Variants in MED12L observed in about 807,000 individuals in gnomAD.
MED12L encodes the protein mediator complex subunit 12L, also known as mediator of RNA polymerase II transcription subunit 12-like protein.
In MED12L, 60 loss-of-function variants were observed where a neutral mutation model predicts 281.3. The observed-to-expected ratio is 0.21, with a 90% CI of 0.17 to 0.26. The LOEUF is 0.26. Ranked by LOEUF, MED12L falls within the 10% of genes least tolerant of loss-of-function variation. MED12L has a pLI of 1.00. For missense variants in MED12L, 2,146 were observed against 2,680.9 expected (o/e 0.80, Z 4.41); for synonymous variants, 974 against 987.2 (o/e 0.99, Z 0.25).
chr3:151,338,178 G>A lies in MED12L; in HGVS notation c.2251-11881G>A, dbSNP rs148966366. ...CCTGGGGACTTTACCTACACCCCTC[G>A]TTCTTACGTATGACCGGTACAGTTC... On this transcript the variant is annotated intron_variant, in intron 16 of 44. Coordinates refer to ENST00000687756, the MANE Select transcript of MED12L (RefSeq NM_001393769.1). 5.6e-5 allele frequency: 90 copies of A among 1,613,860 alleles called. No homozygotes were observed. The highest frequency in any genetic ancestry group is 1.6e-4 in the Middle Eastern group (1 of 6,082).
chr3:151,119,428 C>T (rs1560066131), intron 3 of MED12L, among the ~76,000 whole-genome samples: 1 of 152,144 alleles, frequency 6.6e-6, no homozygotes, highest in Non-Finnish European at 1.5e-5. Context: ...TGCAGATGAC[C>T]ACCTTCTCAC....
intron 2 of MED12L, among the ~76,000 whole-genome samples, chr3:151,112,344 G>A (rs1054418910): frequency 6.7e-6 from 1 of 149,488 alleles, no homozygotes; most frequent in African/African-American, 2.5e-5. Context: ...GCAGCAGCAC[G>A]ATCTCTCCTC....
At position 151,086,832 on chromosome 3, in the gene MED12L, G is replaced by GA. The variant is rs1719286579; in HGVS notation, c.-94dup. On this transcript the variant is annotated 5_prime_UTR_variant, in exon 2 of 45. Transcript: ENST00000687756. ...GAGCGAGCGAGCGAGGAGGGGGAGA[G>GA]AGGGAGTCTGTCTGCAAAGTGCTGC... 1.1e-6 allele frequency: 1 copy of GA among 938,432 alleles called. No individual in the cohort carries two copies. Among genetic ancestry groups the GA allele is most frequent in the East Asian group, 2.8e-5 (1 of 35,676 alleles). 58.1% of individuals were successfully genotyped at this position (938,432 alleles called of 1,614,324 possible). A position where few individuals can be genotyped will look rare whatever the true frequency, so the allele number is the denominator to read the frequency against.
intron 2 of MED12L, among the ~76,000 whole-genome samples, chr3:151,096,488 G>T (rs1485988652): frequency 2.7e-5 from 4 of 150,366 alleles, no homozygotes; most frequent in African/African-American, 9.8e-5. Context: ...GTGGCATCTT[G>T]TCCATTAGGC....
chr3:151,290,527 C>G (rs1305615034), intron 16 of MED12L, among the ~76,000 whole-genome samples: 1 of 151,934 alleles, frequency 6.6e-6, no homozygotes, highest in East Asian at 1.9e-4. Context: ...ATTTTGTATA[C>G]TTTTGAAACT....
At chr3:151,343,794 G>C (rs1031699786) in intron 16 of MED12L, among the ~76,000 whole-genome samples, 24 of 152,104 alleles carry the variant, frequency 1.6e-4, no homozygotes, top group African/African-American at 5.3e-4. Context: ...AAGGTAGTCT[G>C]CTCATCTGAA....
At chr3:151,235,859 A>T (rs1272635776) in intron 16 of MED12L, among the ~76,000 whole-genome samples, 1 of 151,994 alleles carries the variant, frequency 6.6e-6, no homozygotes, top group Non-Finnish European at 1.5e-5. Context: ...TTTCCTGTTC[A>T]TGGCATCTAA....
chr3:151,356,989 G>A (rs1168822820), intron 19 of MED12L, among the ~76,000 whole-genome samples: 1 of 152,078 alleles, frequency 6.6e-6, no homozygotes, highest in East Asian at 1.9e-4. Flanking sequence ...TGAAGTTTCA[G>A]TACCTTATTT....
In MED12L at chr3:151,375,237, A is replaced by G. The variant is rs373076291; in HGVS notation, c.3865-789A>G. On this transcript the variant is annotated intron_variant, in intron 27 of 44. Transcript: ENST00000687756. The stretch of plus-strand genomic sequence containing the variant: ...GGGCATGGAATTTTATAAAGATCCC[A>G]GGTAATTTTAGTGGGCAACCAGCAT... Among the ~76,000 whole-genome samples, 22 of 152,362 alleles carry G rather than the reference A, an allele frequency of 1.4e-4. No individual in the cohort carries two copies. In the East Asian group the frequency reaches 3.9e-3, roughly 27 times the overall value.
chr3:151,244,159 T>G, intron 16 of MED12L, among the ~76,000 whole-genome samples: 1 of 130,724 alleles, frequency 7.6e-6, no homozygotes, highest in South Asian at 2.7e-4. Flanking sequence ...CTCCCACACA[T>G]TAATAATGGG....
Position 151,413,153 on chromosome 3 carries a change from C to G in MED12L, c.6155C>G (p.Ala2052Gly), listed in dbSNP as rs756534801. 1 of 1,613,502 alleles carries G rather than the reference C, an allele frequency of 6.2e-7. No homozygotes were observed. Residue 2052 changes from alanine to glycine, a missense_variant, in exon 42 of 45, where the codon GCT becomes GGT. Transcript: ENST00000687756. ...LTGSQRLNHQ[A>G]LQQSPLVGGG... ...TTCTTTGCCAGACTGAACCATCAGG[C>G]TCTACAGCAGAGCCCTCTGGTGGGC...
At chr3:151,336,559 A>G in intron 16 of MED12L, 1 of 456,198 alleles carries the variant, frequency 2.2e-6, no homozygotes, top group Non-Finnish European at 4.4e-6. Context: ...AGGATCATAA[A>G]AAATTGAGAT....
intron 16 of MED12L, among the ~76,000 whole-genome samples, chr3:151,230,923 G>A (rs1421560501): frequency 6.6e-6 from 1 of 152,114 alleles, no homozygotes; most frequent in East Asian, 1.9e-4. Context: ...ACTGATTTCC[G>A]ATCAGGTACA....
chr3:151,254,086 A>G (rs897675623), intron 16 of MED12L, among the ~76,000 whole-genome samples: 2 of 151,738 alleles, frequency 1.3e-5, no homozygotes, highest in Non-Finnish European at 2.9e-5. Flanking sequence ...AAAACATATA[A>G]TGAAAAAAAT....
At position 151,398,245 on chromosome 3, in the gene MED12L, C is replaced by T. The variant is rs1408763187; in HGVS notation, c.5820+3378C>T. On this transcript the variant is annotated intron_variant, in intron 39 of 44. Transcript: ENST00000687756. ...CTGACCCTTCTAGTGACGTCTGCTA[C>T]AGTTGTTTTGGAAACCTAAATGGGA... Among the ~76,000 whole-genome samples the T allele has an allele frequency of 2.6e-5, 4 of 152,160 alleles. No homozygotes were observed. In the South Asian group the frequency reaches 8.3e-4, roughly 32 times the overall value.
chr3:151,123,965 T>C (rs538260615), intron 4 of MED12L, among the ~76,000 whole-genome samples: 2 of 152,346 alleles, frequency 1.3e-5, no homozygotes, highest in African/African-American at 4.8e-5. Flanking sequence ...AACCACCTCT[T>C]ACCATTCAGT....
At chr3:151,196,513 A>G (rs1724682669) in intron 16 of MED12L, among the ~76,000 whole-genome samples, 1 of 152,204 alleles carries the variant, frequency 6.6e-6, no homozygotes, top group Non-Finnish European at 1.5e-5. Context: ...AGAGGACTAA[A>G]GGGGGCTTGA....
In MED12L at chr3:151,352,311, G is replaced by A. The variant is rs369180502; in HGVS notation, c.2398+2105G>A. ...TTCAGATTTTGGATTCTCAGAATAG[G>A]GATCCTCAACCTTTTTCAGTAAATA... On this transcript the variant is annotated intron_variant, in intron 17 of 44. Coordinates refer to ENST00000687756, the MANE Select transcript of MED12L (RefSeq NM_001393769.1). Among the ~76,000 whole-genome samples, 81 of 152,188 alleles carry A rather than the reference G, an allele frequency of 5.3e-4. 1 individual carries two copies. Among genetic ancestry groups the A allele is most frequent in the African/African-American group, 1.9e-3 (79 of 41,522 alleles).
In MED12L at chr3:151,328,790, T is replaced by G. The variant is rs1376178770; in HGVS notation, c.2251-21269T>G. ...AGGAAGCATGAGTGTCATTATCAAGTCGGCCACCAAAGTGTTTTTGAGGTA... is the reference window on the plus strand; with the variant it reads ...AGGAAGCATGAGTGTCATTATCAAGGCGGCCACCAAAGTGTTTTTGAGGTA... On this transcript the variant is annotated intron_variant, in intron 16 of 44. Transcript: ENST00000687756. 3.1e-6 allele frequency: 5 copies of G among 1,613,886 alleles called. No homozygotes were observed. The South Asian group carries it at 5.5e-5, about 18-fold the overall frequency.
Sources: allele counts gnomAD v4.1 joint callset (sites outside exome capture counted in the v4.1 genomes callset), GRCh38; gene constraint gnomAD v4.1.1; transcripts MANE v1.5; gene names NCBI Gene and HGNC (gene_info 2026-07-23, HGNC 2026-07-21).